The following MN1 variants were observed in gnomAD, a reference collection of about 807,000 sequenced individuals.
MN1 encodes the protein transcriptional activator MN1.
A neutral mutation model predicts 86.9 loss-of-function variants in MN1; 19 were observed. That is an observed-to-expected ratio of 0.22 (90% CI 0.15 to 0.32). MN1 has a LOEUF of 0.32. Ranked by LOEUF, MN1 falls within the 10% of genes least tolerant of loss-of-function variation. MN1 has a pLI of 1.00. For missense variants in MN1, 1,841 were observed against 1,862.0 expected (o/e 0.99, Z 0.21); for synonymous variants, 928 against 849.6 (o/e 1.09, Z -1.60).
intron 1 of MN1, among the ~76,000 whole-genome samples, chr22:27,769,529 A>G (rs1048292102): frequency 1.1e-4 from 16 of 150,156 alleles, no homozygotes; most frequent in African/African-American, 3.2e-4. Flanking sequence ...GATAATAACG[A>G]AGCAATAATA....
chr22:27,800,486 C>T lies in MN1; in HGVS notation c.58G>A (p.Glu20Lys). The T allele has an allele frequency of 3.1e-6, 5 of 1,614,196 alleles. No individual in the cohort carries two copies. Among genetic ancestry groups the T allele is most frequent in the Non-Finnish European group, 4.2e-6 (5 of 1,180,032 alleles). Residue 20 changes from glutamate to lysine, a missense_variant, in exon 1 of 2, where the codon GAG becomes AAG. Physicochemically the swap from Glu to Lys is moderately conservative, Grantham distance 56. Transcript: ENST00000302326. ...QVNSRNAGQG[E>K]RNFNETGLSM... ...AGTCCGGTCTCGTTAAAGTTCCTCT[C>T]GCCCTGGCCAGCGTTCCTGCTGTTG...
chr22:27,750,134 G>C lies in MN1; in HGVS notation c.*781C>G, dbSNP rs569083040. 1 of 232,092 alleles carries C rather than the reference G, an allele frequency of 4.3e-6. No homozygotes were observed. Among genetic ancestry groups the C allele is most frequent in the South Asian group, 1.8e-4 (1 of 5,518 alleles). 14.4% of individuals were successfully genotyped at this position (232,092 alleles called of 1,614,324 possible). ...GAACATTCCAACTCCTTCCCACAGA[G>C]CAGAGCTGGACACGTCCTCACGTCC... On this transcript the variant is annotated 3_prime_UTR_variant, in exon 2 of 2. Coordinates refer to ENST00000302326, the MANE Select transcript of MN1 (RefSeq NM_002430.3).
rs573133484 is a variant in MN1, at chr22:27,788,513, A to C, written c.3781+8250T>G. Among the ~76,000 whole-genome samples the C allele has an allele frequency of 4.5e-4, 68 of 152,244 alleles. 2 individuals are homozygous for C. In the South Asian group the frequency reaches 0.014, roughly 31 times the overall value. On this transcript the variant is annotated intron_variant, in intron 1 of 1. Coordinates refer to ENST00000302326, the MANE Select transcript of MN1 (RefSeq NM_002430.3). Reference sequence around the variant, plus strand: ...TCTGATCATAAGATGGTCCCTCAGAAGTATTTTACTCCTGGTGGTCGCTGC... The same window carrying C: ...TCTGATCATAAGATGGTCCCTCAGACGTATTTTACTCCTGGTGGTCGCTGC...
At chr22:27,770,521 G>A (rs1024581666) in intron 1 of MN1, among the ~76,000 whole-genome samples, 4 of 152,072 alleles carry the variant, frequency 2.6e-5, no homozygotes, top group African/African-American at 9.7e-5. Flanking sequence ...TCCCTCTCTG[G>A]GCCTCAGTCT....
chr22:27,795,722 T>TACACAC (rs138609901), intron 1 of MN1, among the ~76,000 whole-genome samples: 2 of 150,512 alleles, frequency 1.3e-5, no homozygotes, highest in Admixed American at 6.6e-5. Flanking sequence ...CCTATATATA[T>TACACAC]ACACACACAC....
At chr22:27,785,152 A>G (rs1378230773) in intron 1 of MN1, among the ~76,000 whole-genome samples, 1 of 152,180 alleles carries the variant, frequency 6.6e-6, no homozygotes, top group South Asian at 2.1e-4. Flanking sequence ...ATATGAAAAC[A>G]AACTATTTTT....
chr22:27,779,116 A>G (rs1273913512), intron 1 of MN1, among the ~76,000 whole-genome samples: 2 of 152,080 alleles, frequency 1.3e-5, no homozygotes, highest in Admixed American at 6.5e-5. Flanking sequence ...CAGGGGCCAA[A>G]GGCAGCAGGG....
Position 27,801,338 on chromosome 22 carries a change from T to TTCGGCAGCGGGTGCGCTGCGA in MN1, c.-796_-795insTCGCAGCGCACCCGCTGCCGA. ...TCTGCTCGGCAGCGGGTGCGCTGCG[T>TTCGGCAGCGGGTGCGCTGCGA]TCGGCGCGCAGCTTCGCGGCCACGT... On this transcript the variant is annotated 5_prime_UTR_variant, in exon 1 of 2. Transcript: ENST00000302326. 4.6e-6 allele frequency: 1 copy of TTCGGCAGCGGGTGCGCTGCGA among 217,700 alleles called. No homozygotes were observed. The highest frequency in any genetic ancestry group is 9.3e-6 in the Non-Finnish European group (1 of 107,848). 13.5% of individuals were successfully genotyped at this position (217,700 alleles called of 1,614,324 possible).
chr22:27,783,124 G>A (rs1218261684), intron 1 of MN1, among the ~76,000 whole-genome samples: 4 of 150,496 alleles, frequency 2.7e-5, no homozygotes, highest in East Asian at 1.9e-4. Context: ...GGGGATGTAC[G>A]TCGTGCTGCT....
At chr22:27,785,721 T>C (rs1377807249) in intron 1 of MN1, among the ~76,000 whole-genome samples, 4 of 148,810 alleles carry the variant, frequency 2.7e-5, no homozygotes, top group Admixed American at 6.9e-5. Context: ...ATGTCATAAT[T>C]ATAGCTGATA....
chr22:27,784,850 A>G (rs911851629), intron 1 of MN1, among the ~76,000 whole-genome samples: 3 of 151,852 alleles, frequency 2.0e-5, no homozygotes, highest in Admixed American at 6.6e-5. Context: ...TCCTTTTTTT[A>G]AGGAAGAAAT....
intron 1 of MN1, chr22:27,791,943 G>T (rs1237786473): frequency 6.6e-6 from 1 of 152,210 alleles, no homozygotes; most frequent in Non-Finnish European, 1.5e-5. Context: ...TCCACAGTGG[G>T]AAGAATTTTC....
At chr22:27,764,912 T>A (rs796168386) in intron 1 of MN1, among the ~76,000 whole-genome samples, 11 of 152,314 alleles carry the variant, frequency 7.2e-5, no homozygotes, top group African/African-American at 2.6e-4. Flanking sequence ...TCCCTGTTTT[T>A]GTAAATAAAG....
chr22:27,783,351 C>A (rs532341692), intron 1 of MN1, among the ~76,000 whole-genome samples: 1 of 152,052 alleles, frequency 6.6e-6, no homozygotes, highest in Non-Finnish European at 1.5e-5. Flanking sequence ...ATGCTGGTCT[C>A]GAACTCCTGA....
At position 27,750,109 on chromosome 22, in the gene MN1, G is replaced by A. The variant is rs1174771874; in HGVS notation, c.*806C>T. ...GAAAAGGAGAGAAAACACTGCTGTC[G>A]AACATTCCAACTCCTTCCCACAGAG... On this transcript the variant is annotated 3_prime_UTR_variant, in exon 2 of 2. Transcript: ENST00000302326. 11 of 231,922 alleles carry A rather than the reference G, an allele frequency of 4.7e-5. No individual in the cohort carries two copies. The highest frequency in any genetic ancestry group is 2.4e-4 in the East Asian group (4 of 16,452). 14.4% of individuals were successfully genotyped at this position (231,922 alleles called of 1,614,324 possible). A position where few individuals can be genotyped will look rare whatever the true frequency, so the allele number is the denominator to read the frequency against.
intron 1 of MN1, among the ~76,000 whole-genome samples, chr22:27,792,123 A>C (rs1933218926): frequency 6.6e-6 from 1 of 152,196 alleles, no homozygotes; most frequent in South Asian, 2.1e-4. Flanking sequence ...TCATATCAGG[A>C]ATCATAGAAT....
In MN1 at chr22:27,778,509, G is replaced by C. The variant is rs536592982; in HGVS notation, c.3781+18254C>G. On this transcript the variant is annotated intron_variant, in intron 1 of 1. Transcript: ENST00000302326. Reference sequence around the variant, plus strand: ...TCCCGATGCTTCCTGTGCAGGAGGAGAAGCATCTGTATTTATGCCAAGGCT... The same window carrying C: ...TCCCGATGCTTCCTGTGCAGGAGGACAAGCATCTGTATTTATGCCAAGGCT... 5.3e-5 allele frequency among the ~76,000 whole-genome samples: 8 copies of C among 152,344 alleles called. No homozygotes were observed. The South Asian group carries it at 1.5e-3, about 28-fold the overall frequency.
chr22:27,790,945 T>G (rs1380630687), intron 1 of MN1, among the ~76,000 whole-genome samples: 1 of 152,162 alleles, frequency 6.6e-6, no homozygotes, highest in Non-Finnish European at 1.5e-5. Context: ...GCTCATTCAG[T>G]CCTTTACAGA....
chr22:27,766,201 G>A (rs372457477), intron 1 of MN1, among the ~76,000 whole-genome samples: 9 of 152,296 alleles, frequency 5.9e-5, no homozygotes, highest in Middle Eastern at 6.8e-3. Flanking sequence ...CCGGGACTCC[G>A]TGACCTAAAG....
Sources: gnomAD v4.1 joint callset for allele counts (sites outside exome capture counted in the v4.1 genomes callset) on GRCh38, gnomAD v4.1.1 for gene constraint, MANE v1.5 for transcripts, NCBI Gene and HGNC (gene_info 2026-07-23, HGNC 2026-07-21) for gene names.